Variants in HS2ST1 observed in about 807,000 individuals in gnomAD.
The protein encoded by HS2ST1 is 2-O-sulfotransferase.
In HS2ST1, 18 loss-of-function variants were observed where a neutral mutation model predicts 42.9. That is an observed-to-expected ratio of 0.42 (90% CI 0.29 to 0.62). The LOEUF is 0.62. Ranked by LOEUF, HS2ST1 falls within the 20% of genes least tolerant of loss-of-function variation. The probability of loss-of-function intolerance (pLI) is 0.21; values close to 1 mark genes in which losing one functional copy is unlikely to be tolerated. For synonymous variants in HS2ST1, 146 were observed against 152.9 expected (o/e 0.95, Z 0.33); for missense variants, 334 against 433.8 (o/e 0.77, Z 2.04).
chr1:87,062,879 TCTG>T (rs1355025474), intron 1 of HS2ST1, among the ~76,000 whole-genome samples: 1 of 152,198 alleles, frequency 6.6e-6, no homozygotes. Flanking sequence ...TGATAAGAAA[TCTG>T]CTGTTAATCC....
At chr1:87,048,332 G>A (rs1650743737) in intron 1 of HS2ST1, among the ~76,000 whole-genome samples, 1 of 152,144 alleles carries the variant, frequency 6.6e-6, no homozygotes, top group Non-Finnish European at 1.5e-5. Flanking sequence ...CAGTCATGCT[G>A]TCTGTGACAA....
Position 86,943,157 on chromosome 1 carries a change from A to G in HS2ST1, c.124+27997A>G, listed in dbSNP as rs546315631. On this transcript the variant is annotated intron_variant, in intron 1 of 6. Transcript: ENST00000370550. ...GGTTTAAGATTAGATTCTCCTAACT[A>G]AAAGGATCCTAAAAATTAAGAGTAA... is the stretch of plus-strand genomic sequence containing the variant. 2.6e-5 allele frequency among the ~76,000 whole-genome samples: 4 copies of G among 152,314 alleles called. No individual in the cohort carries two copies. In the South Asian group the frequency reaches 8.3e-4, roughly 32 times the overall value.
intron 1 of HS2ST1, among the ~76,000 whole-genome samples, chr1:86,999,813 G>A (rs115518768): frequency 1.9e-3 from 290 of 152,156 alleles, no homozygotes; most frequent in African/African-American, 6.2e-3. Flanking sequence ...CTTTGTTCCT[G>A]TAACCCTAGA....
chr1:86,941,643 G>T (rs1478953198), intron 1 of HS2ST1, among the ~76,000 whole-genome samples: 1 of 151,780 alleles, frequency 6.6e-6, no homozygotes, highest in African/African-American at 2.4e-5. Context: ...GCATTGTGGC[G>T]GGTGTCTGTA....
chr1:87,013,364 G>C (rs1474823756), intron 1 of HS2ST1, among the ~76,000 whole-genome samples: 2 of 152,248 alleles, frequency 1.3e-5, no homozygotes, highest in African/African-American at 2.4e-5. Flanking sequence ...CCAAGGCTTG[G>C]TGCTTGCACC....
chr1:87,079,574 T>C (rs1186930452), intron 2 of HS2ST1, among the ~76,000 whole-genome samples: 1 of 152,240 alleles, frequency 6.6e-6, no homozygotes, highest in Admixed American at 6.5e-5. Context: ...TTTGATTCAT[T>C]GTAAATTTTA....
At chr1:87,015,397 GA>G (rs1041121009) in intron 1 of HS2ST1, among the ~76,000 whole-genome samples, 57 of 146,556 alleles carry the variant, frequency 3.9e-4, no homozygotes, top group Non-Finnish European at 6.7e-4. Flanking sequence ...GCCCAGGCTG[GA>G]ATGCGGTGGC....
intron 1 of HS2ST1, among the ~76,000 whole-genome samples, chr1:87,070,208 A>G (rs557292694): frequency 1.3e-5 from 2 of 152,294 alleles, no homozygotes; most frequent in African/African-American, 4.8e-5. Flanking sequence ...TATTTCCCTT[A>G]GTAGAAAAGG....
At chr1:87,003,920 A>G (rs745824863) in intron 1 of HS2ST1, among the ~76,000 whole-genome samples, 1 of 152,108 alleles carries the variant, frequency 6.6e-6, no homozygotes, top group Admixed American at 6.6e-5. Flanking sequence ...CCTAAAACCA[A>G]TCTTCTGTGG....
rs571608564 is a variant in HS2ST1 at position 86,914,794 on chromosome 1, G to C, written c.-243G>C. On this transcript the variant is annotated 5_prime_UTR_variant, in exon 1 of 7. Coordinates refer to ENST00000370550, the MANE Select transcript of HS2ST1 (RefSeq NM_012262.4). ...AGCCGCTTCGCGCTGTTTGCTGCGC[G>C]GGCTTTTGGAGGGGGCGGCCGTTTA... 7.0e-3 allele frequency: 3,789 copies of C among 544,398 alleles called. 25 individuals are homozygous for C. Among genetic ancestry groups the C allele is most frequent in the Middle Eastern group, 0.024 (48 of 2,006 alleles). The allele number at this position is 544,398 out of a possible 1,614,324, so 33.7% of individuals were successfully genotyped here.
intron 1 of HS2ST1, among the ~76,000 whole-genome samples, chr1:86,956,124 T>C (rs557376873): frequency 1.3e-5 from 2 of 152,262 alleles, no homozygotes; most frequent in Non-Finnish European, 2.9e-5. Context: ...GTAATTTCTT[T>C]GAACATATTT....
intron 1 of HS2ST1, among the ~76,000 whole-genome samples, chr1:87,055,936 A>C (rs1026916009): frequency 6.6e-6 from 1 of 152,220 alleles, no homozygotes; most frequent in Admixed American, 6.5e-5. Context: ...AAAGTACATC[A>C]AGCACTTCTG....
intron 3 of HS2ST1, among the ~76,000 whole-genome samples, chr1:87,088,295 CT>C (rs921740929): frequency 2.0e-5 from 3 of 151,832 alleles, no homozygotes; most frequent in Non-Finnish European, 4.4e-5. Context: ...TCTTGGACAA[CT>C]TTTTTTTATC....
intron 1 of HS2ST1, among the ~76,000 whole-genome samples, chr1:86,943,799 G>T (rs577435656): frequency 6.6e-6 from 1 of 152,098 alleles, no homozygotes; most frequent in African/African-American, 2.4e-5. Flanking sequence ...GCTGAGGCAG[G>T]TGGATTACCT....
At chr1:86,990,693 G>A (rs1210617805) in intron 1 of HS2ST1, among the ~76,000 whole-genome samples, 2 of 148,632 alleles carry the variant, frequency 1.3e-5, no homozygotes, top group African/African-American at 5.0e-5. Context: ...GCCAAGGCTA[G>A]AGTGCAATGG....
chr1:86,951,626 C>G (rs1200857377), intron 1 of HS2ST1, among the ~76,000 whole-genome samples: 1 of 152,176 alleles, frequency 6.6e-6, no homozygotes, highest in Non-Finnish European at 1.5e-5. Context: ...TAAATGACTG[C>G]TGACTAATCA....
chr1:87,050,331 A>G (rs1191528500), intron 1 of HS2ST1, among the ~76,000 whole-genome samples: 3 of 152,014 alleles, frequency 2.0e-5, no homozygotes, highest in African/African-American at 7.2e-5. Context: ...CCATCAAGTA[A>G]TCTTATTCCT....
At chr1:87,075,958 G>A (rs1395394256) in intron 2 of HS2ST1, among the ~76,000 whole-genome samples, 1 of 152,104 alleles carries the variant, frequency 6.6e-6, no homozygotes, top group Non-Finnish European at 1.5e-5. Context: ...CAAAGAAATA[G>A]AAAGCATGGC....
chr1:87,035,049 A>T (rs575875547), intron 1 of HS2ST1, among the ~76,000 whole-genome samples: 1 of 152,186 alleles, frequency 6.6e-6, no homozygotes, highest in Admixed American at 6.5e-5. Flanking sequence ...GATGCTGTGC[A>T]GCTGGAGGAT....
Sources: gnomAD v4.1 joint callset for allele counts (sites outside exome capture counted in the v4.1 genomes callset) on GRCh38, gnomAD v4.1.1 for gene constraint, MANE v1.5 for transcripts, NCBI Gene and HGNC (gene_info 2026-07-23, HGNC 2026-07-21) for gene names.